ZNF385D: variants seen among roughly 807,000 people sequenced by gnomAD.
ZNF385D encodes zinc finger protein 659.
A neutral mutation model predicts 35.8 loss-of-function variants in ZNF385D; 15 were observed. The ratio of observed to expected loss-of-function variants is 0.42; its 90% CI spans 0.28 to 0.64. The LOEUF (loss-of-function observed/expected upper bound fraction) is 0.64. ZNF385D is among the 30% of genes least tolerant of loss of function. The pLI, the probability that ZNF385D is intolerant of heterozygous loss-of-function variation, is 0.23. For missense variants in ZNF385D, 474 were observed against 494.6 expected (o/e 0.96, Z 0.39); for synonymous variants, 212 against 186.8 (o/e 1.13, Z -1.10).
rs188204209 is a variant in ZNF385D, at chr3:22,357,484, T to C, written c.106+14966A>G. Among the ~76,000 whole-genome samples, 209 of 152,044 alleles carry C rather than the reference T, an allele frequency of 1.4e-3. 1 individual carries two copies. The highest frequency in any genetic ancestry group is 4.9e-3 in the African/African-American group (202 of 41,540). Reference sequence around the variant, plus strand: ...GAAAACTTGGAAGTGCAGATATAAATTCTTGGAAGCATACAGTTATGTCTT... The same window carrying C: ...GAAAACTTGGAAGTGCAGATATAAACTCTTGGAAGCATACAGTTATGTCTT... On this transcript the variant is annotated intron_variant, in intron 2 of 5. Coordinates refer to the ZNF385D transcript ENST00000494108.
At chr3:22,238,017 A>T (rs1437408214) in intron 2 of ZNF385D, among the ~76,000 whole-genome samples, 1 of 150,858 alleles carries the variant, frequency 6.6e-6, no homozygotes, top group Non-Finnish European at 1.5e-5. Flanking sequence ...TATTTTTTTG[A>T]TGTGGAAATC....
chr3:21,687,393 TA>T (rs1257087604), intron 1 of ZNF385D, among the ~76,000 whole-genome samples: 1 of 152,204 alleles, frequency 6.6e-6, no homozygotes, highest in Non-Finnish European at 1.5e-5. Context: ...GTATAACTCA[TA>T]ATTTTTTTTA....
chr3:21,508,413 T>C (rs1477479353), intron 4 of ZNF385D, among the ~76,000 whole-genome samples: 1 of 152,170 alleles, frequency 6.6e-6, no homozygotes, highest in African/African-American at 2.4e-5. Context: ...CTGAGTCACA[T>C]AACATGTTTG....
At chr3:22,368,006 G>T (rs1411294630) in intron 2 of ZNF385D, among the ~76,000 whole-genome samples, 1 of 152,148 alleles carries the variant, frequency 6.6e-6, no homozygotes, top group Admixed American at 6.5e-5. Context: ...TACATAACTT[G>T]CAAGGAAGGA....
chr3:21,443,261 G>C, intron 4 of ZNF385D: 2 of 985,310 alleles, frequency 2.0e-6, no homozygotes, highest in Non-Finnish European at 2.4e-6. Context: ...TTCACTACCA[G>C]GCTCAAGGAT....
intron 3 of ZNF385D, among the ~76,000 whole-genome samples, chr3:22,142,218 AGTGTTTTTACTAT>A (rs1253911699): frequency 6.6e-6 from 1 of 152,148 alleles, no homozygotes; most frequent in African/African-American, 2.4e-5. Flanking sequence ...GTTCTTTACT[AGTGTTTTTACTAT>A]GTGTTTTTAA....
intron 3 of ZNF385D, among the ~76,000 whole-genome samples, chr3:21,816,453 C>T (rs561406106): frequency 5.3e-5 from 8 of 152,258 alleles, no homozygotes; most frequent in African/African-American, 1.9e-4. Context: ...CCCAAAATCT[C>T]CTTAAGCTGT....
intron 2 of ZNF385D, among the ~76,000 whole-genome samples, chr3:21,651,560 GT>G (rs1388074510): frequency 6.6e-6 from 1 of 151,254 alleles, no homozygotes; most frequent in Non-Finnish European, 1.5e-5. Flanking sequence ...AGTGACGGTG[GT>G]GAAGAATGGT....
intron 3 of ZNF385D, among the ~76,000 whole-genome samples, chr3:21,763,611 T>C (rs1422061739): frequency 6.6e-6 from 1 of 152,194 alleles, no homozygotes; most frequent in East Asian, 1.9e-4. Context: ...GCCCTGTGTA[T>C]TTCATATGAA....
At chr3:21,887,562 T>C (rs547344998) in intron 3 of ZNF385D, among the ~76,000 whole-genome samples, 1 of 152,160 alleles carries the variant, frequency 6.6e-6, no homozygotes, top group South Asian at 2.1e-4. Flanking sequence ...GGGAGGCAAA[T>C]GGTAACAACA....
At chr3:21,537,995 G>T (rs1223766891) in intron 3 of ZNF385D, among the ~76,000 whole-genome samples, 1 of 152,066 alleles carries the variant, frequency 6.6e-6, no homozygotes, top group Non-Finnish European at 1.5e-5. Flanking sequence ...GTGAGAAGCA[G>T]TCAGATTCTG....
chr3:21,431,666 T>C (rs1701298960), intron 5 of ZNF385D, among the ~76,000 whole-genome samples: 1 of 152,162 alleles, frequency 6.6e-6, no homozygotes, highest in Non-Finnish European at 1.5e-5. Flanking sequence ...GAGGCTGTTT[T>C]CATCATCATT....
In ZNF385D at chr3:22,135,289, A is replaced by G. The variant is rs7613905; in HGVS notation, c.325+33528T>C. ...AGAGAGCTCAGCAAGTTCAGCAGAT[A>G]TAAGGTCAACACACACACACACACA... On this transcript the variant is annotated intron_variant, in intron 3 of 5. Coordinates refer to the ZNF385D transcript ENST00000494108. 1.4e-4 allele frequency among the ~76,000 whole-genome samples: 21 copies of G among 152,098 alleles called. No homozygotes were observed. In the East Asian group the frequency reaches 1.5e-3, roughly 11 times the overall value.
At chr3:21,783,821 A>C (rs1000710130) in intron 3 of ZNF385D, among the ~76,000 whole-genome samples, 1 of 152,176 alleles carries the variant, frequency 6.6e-6, no homozygotes, top group Non-Finnish European at 1.5e-5. Context: ...TGGGGACATT[A>C]TTTGAAAAAG....
At chr3:22,185,961 A>T (rs961047298) in intron 2 of ZNF385D, among the ~76,000 whole-genome samples, 1 of 152,200 alleles carries the variant, frequency 6.6e-6, no homozygotes, top group African/African-American at 2.4e-5. Flanking sequence ...ATGAAAGGGT[A>T]GATCTCTACT....
intron 3 of ZNF385D, among the ~76,000 whole-genome samples, chr3:21,975,129 G>A (rs1559807957): frequency 6.6e-6 from 1 of 152,150 alleles, no homozygotes; most frequent in Non-Finnish European, 1.5e-5. Flanking sequence ...CACAGTTTGT[G>A]GCAGCACTGC....
chr3:21,428,597 T>A (rs892392930), intron 5 of ZNF385D, among the ~76,000 whole-genome samples: 2 of 152,092 alleles, frequency 1.3e-5, no homozygotes, highest in African/African-American at 2.4e-5. Flanking sequence ...ATAAAGCTTT[T>A]TTTGCTGAGC....
intron 2 of ZNF385D, among the ~76,000 whole-genome samples, chr3:22,356,636 G>A (rs1696162702): frequency 2.0e-5 from 3 of 151,996 alleles, no homozygotes; most frequent in South Asian, 4.2e-4. Flanking sequence ...TATTAGATAG[G>A]TAGATAATAC....
intron 3 of ZNF385D, among the ~76,000 whole-genome samples, chr3:22,093,690 T>C (rs1701449982): frequency 6.6e-6 from 1 of 152,170 alleles, no homozygotes; most frequent in African/African-American, 2.4e-5. Flanking sequence ...TTATTTCTGC[T>C]ACTCATGTTA....
Sources: allele counts gnomAD v4.1 joint callset (sites outside exome capture counted in the v4.1 genomes callset), GRCh38; gene constraint gnomAD v4.1.1; transcripts MANE v1.5; gene names NCBI Gene and HGNC (gene_info 2026-07-23, HGNC 2026-07-21).